Variants in CTNNA3 observed in about 807,000 individuals in gnomAD.
The protein encoded by CTNNA3 is catenin alpha 3.
In CTNNA3, 76 loss-of-function variants were observed where a neutral mutation model predicts 95.7. That is an observed-to-expected ratio of 0.79 (90% CI 0.66 to 0.96). CTNNA3 has a LOEUF of 0.96. Among genes scored for constraint, CTNNA3 ranks in the 40% least tolerant of loss-of-function variants. The pLI is 0.00. For synonymous variants in CTNNA3, 431 were observed against 374.4 expected (o/e 1.15, Z -1.74); for missense variants, 1,191 against 1,089.8 (o/e 1.09, Z -1.31).
At chr10:66,280,417 T>A in intron 13 of CTNNA3, 53 bp downstream of exon 13, 1 of 1,501,090 alleles carries the variant, frequency 6.7e-7, no homozygotes, top group Non-Finnish European at 9.1e-7. Context: ...TCCCAGGCAT[T>A]CCAGATGGTG....
chr10:65,934,973 G>A (rs1256164426), intron 17 of CTNNA3, among the ~76,000 whole-genome samples: 3 of 152,086 alleles, frequency 2.0e-5, no homozygotes, highest in African/African-American at 7.2e-5. Flanking sequence ...ACTGAGTGAG[G>A]AGTCAGCCAA....
At chr10:65,978,982 C>T (rs1055756840) in intron 16 of CTNNA3, among the ~76,000 whole-genome samples, 3 of 152,084 alleles carry the variant, frequency 2.0e-5, no homozygotes, top group Non-Finnish European at 4.4e-5. Flanking sequence ...ATAACATTGT[C>T]TCATATGGTA....
chr10:66,346,240 T>TAGAG (rs1174877732), intron 12 of CTNNA3, among the ~76,000 whole-genome samples: 3 of 11,362 alleles, frequency 2.6e-4, no homozygotes, highest in African/African-American at 1.1e-3. Context: ...TATATATATA[T>TAGAG]ATATATAGAG....
intron 5 of CTNNA3, among the ~76,000 whole-genome samples, chr10:67,223,988 G>A (rs906807042): frequency 6.9e-6 from 1 of 145,780 alleles, no homozygotes; most frequent in Admixed American, 6.8e-5. Flanking sequence ...TAGATTCAAG[G>A]TGTACTATAT....
chr10:67,487,186 A>G (rs1047108781), intron 5 of CTNNA3, among the ~76,000 whole-genome samples: 5 of 152,208 alleles, frequency 3.3e-5, no homozygotes, highest in African/African-American at 7.2e-5. Flanking sequence ...AAAGCCTGCG[A>G]AAGTGTCAGT....
At chr10:67,755,257 C>G (rs767814765) in intron 1 of CTNNA3, among the ~76,000 whole-genome samples, 3 of 150,980 alleles carry the variant, frequency 2.0e-5, no homozygotes, top group Non-Finnish European at 4.4e-5. Flanking sequence ...CTCAATATCA[C>G]TAACCATCAG....
intron 13 of CTNNA3, among the ~76,000 whole-genome samples, chr10:66,262,491 A>G (rs2091035026): frequency 6.6e-6 from 1 of 152,020 alleles, no homozygotes; most frequent in African/African-American, 2.4e-5. Flanking sequence ...ACTAACTTTT[A>G]TTTGGGGTTT....
chr10:66,733,147 T>A (rs187676124), intron 9 of CTNNA3, among the ~76,000 whole-genome samples: 1 of 152,246 alleles, frequency 6.6e-6, no homozygotes, highest in East Asian at 1.9e-4. Context: ...AAGTAAGATA[T>A]GTTCTTTAAA....
At chr10:66,728,777 AG>A (rs1848858943) in intron 9 of CTNNA3, among the ~76,000 whole-genome samples, 1 of 152,142 alleles carries the variant, frequency 6.6e-6, no homozygotes, top group South Asian at 2.1e-4. Context: ...TAGTAGAGAC[AG>A]GGTTTCACCA....
At chr10:66,955,931 C>T (rs2132743859) in intron 7 of CTNNA3, among the ~76,000 whole-genome samples, 1 of 152,204 alleles carries the variant, frequency 6.6e-6, no homozygotes, top group South Asian at 2.1e-4. Context: ...TGGAAATTTG[C>T]TTAGGCAAAA....
chr10:65,954,018 C>A (rs2077678202), intron 17 of CTNNA3, among the ~76,000 whole-genome samples: 1 of 152,166 alleles, frequency 6.6e-6, no homozygotes, highest in South Asian at 2.1e-4. Flanking sequence ...TAAAAGTGTT[C>A]CTATTTCTCC....
Position 67,204,949 on chromosome 10 carries a change from C to T in CTNNA3, c.843+14658G>A, listed in dbSNP as rs78887750. ...TCTCAAAAGGCCAATCTTAGGCTCG[C>T]TCTGTAATAGTGATGTTATCTGCAG... On this transcript the variant is annotated intron_variant, in intron 6 of 17. Transcript: ENST00000433211. 1.6e-3 allele frequency among the ~76,000 whole-genome samples: 242 copies of T among 152,220 alleles called. 5 individuals carry two copies. In the East Asian group the frequency reaches 0.039, roughly 25 times the overall value.
At chr10:67,201,000 G>C (rs569304728) in intron 6 of CTNNA3, among the ~76,000 whole-genome samples, 1 of 151,954 alleles carries the variant, frequency 6.6e-6, no homozygotes, top group Non-Finnish European at 1.5e-5. Context: ...TCTGTCTCTG[G>C]GTCACTCATC....
intron 7 of CTNNA3, among the ~76,000 whole-genome samples, chr10:66,991,549 T>C (rs1038185026): frequency 6.6e-6 from 1 of 152,106 alleles, no homozygotes; most frequent in African/African-American, 2.4e-5. Context: ...AAAACAAATT[T>C]ATTTATTTAT....
In CTNNA3 at chr10:67,607,045, G is replaced by A. The variant is rs868553037; in HGVS notation, c.104C>T (p.Thr35Ile). 1 of 1,608,894 alleles carries A rather than the reference G, an allele frequency of 6.2e-7. No individual in the cohort carries two copies. Among genetic ancestry groups the A allele is most frequent in the South Asian group, 1.1e-5 (1 of 90,180 alleles). ...GTTCTGGGGACAGTTTACAAGTGTG[G>A]TAACCTAAAATTGGAAAAATACAAA... is the stretch of plus-strand genomic sequence containing the variant. ...KLLEPLIIQVTTLVNCPQNPS... is the reference protein window; with the variant it reads ...KLLEPLIIQVITLVNCPQNPS... The change falls in exon 3 of 18, where the codon ACC (threonine) becomes ATC (isoleucine). Residue 35 changes from threonine (T) to isoleucine (I), a missense_variant. Thr to Ile is a moderately conservative substitution (Grantham distance 89). Coordinates refer to ENST00000433211, the MANE Select transcript of CTNNA3 (RefSeq NM_013266.4).
rs191604468 is a variant in CTNNA3, at chr10:66,305,603, C to A, written c.1733-24982G>T. On this transcript the variant is annotated intron_variant, in intron 12 of 17. Transcript: ENST00000433211. ...ATGGTACCTTATACTTTTCTAGGTG[C>A]TTTCATGGTGAAGTCTTCCTGTTCA... Among the ~76,000 whole-genome samples, 388 of 152,202 alleles carry A rather than the reference C, an allele frequency of 2.5e-3. 4 individuals are homozygous for A. In the South Asian group the frequency reaches 0.032, roughly 13 times the overall value.
intron 7 of CTNNA3, among the ~76,000 whole-genome samples, chr10:66,862,806 C>T (rs569620581): frequency 1.7e-4 from 26 of 152,128 alleles, no homozygotes; most frequent in Admixed American, 2.6e-4. Context: ...GGTTACTGGC[C>T]GAGATTAATA....
chr10:67,612,922 C>G (rs1843511048), intron 2 of CTNNA3, among the ~76,000 whole-genome samples: 2 of 152,184 alleles, frequency 1.3e-5, no homozygotes, highest in Non-Finnish European at 2.9e-5. Flanking sequence ...GAAGCGTCTT[C>G]TGAGAGGTCT....
At chr10:66,035,875 A>G (rs1204843464) in intron 15 of CTNNA3, among the ~76,000 whole-genome samples, 1 of 152,170 alleles carries the variant, frequency 6.6e-6, no homozygotes. Flanking sequence ...CTTAAAAACT[A>G]TCAACAGAAG....
Sources: allele counts gnomAD v4.1 joint callset (sites outside exome capture counted in the v4.1 genomes callset), GRCh38; gene constraint gnomAD v4.1.1; transcripts MANE v1.5; gene names NCBI Gene and HGNC (gene_info 2026-07-23, HGNC 2026-07-21).